AMPH: variants seen among roughly 807,000 people sequenced by gnomAD.
AMPH encodes amphiphysin (Stiff-Mann syndrome with breast cancer 128kD autoantigen).
AMPH carries 49 observed loss-of-function variants against 99.1 expected under a neutral mutation model. That is an observed-to-expected ratio of 0.49 (90% CI 0.39 to 0.63). The LOEUF (loss-of-function observed/expected upper bound fraction) is 0.63, where lower values mean the gene tolerates loss of function less well. Among genes scored for constraint, AMPH ranks in the 20% least tolerant of loss-of-function variants. The probability of loss-of-function intolerance (pLI) is 0.00; values close to 1 mark genes in which losing one functional copy is unlikely to be tolerated. For missense variants in AMPH, 759 were observed against 863.4 expected, an observed-to-expected ratio of 0.88 and a Z score of 1.52; for synonymous variants, 314 against 317.3, an observed-to-expected ratio of 0.99 and a Z score of 0.11.
chr7:38,501,500 C>T (rs1789133853), intron 3 of AMPH, among the ~76,000 whole-genome samples: 1 of 152,138 alleles, frequency 6.6e-6, no homozygotes, highest in Admixed American at 6.5e-5. Context: ...AACTCACTTT[C>T]TTATCTATAA....
intron 1 of AMPH, among the ~76,000 whole-genome samples, chr7:38,608,417 T>C (rs1356966338): frequency 6.6e-6 from 1 of 152,122 alleles, no homozygotes; most frequent in Non-Finnish European, 1.5e-5. Context: ...CCTGGCAAGG[T>C]ATCTCTCCTC....
intron 1 of AMPH, among the ~76,000 whole-genome samples, chr7:38,605,240 G>C (rs1421021540): frequency 2.0e-5 from 3 of 152,138 alleles, no homozygotes; most frequent in African/African-American, 4.8e-5. Flanking sequence ...AGGGGAACAT[G>C]GGCTAAAGTT....
At chr7:38,564,925 C>G (rs925798191) in intron 1 of AMPH, among the ~76,000 whole-genome samples, 1 of 152,042 alleles carries the variant, frequency 6.6e-6, no homozygotes, top group South Asian at 2.1e-4. Flanking sequence ...GAGATCGAGA[C>G]CATCCTGGCT....
intron 1 of AMPH, among the ~76,000 whole-genome samples, chr7:38,613,276 AAACGTCTTGGCC>A (rs1793748943): frequency 6.6e-6 from 1 of 151,812 alleles, no homozygotes; most frequent in South Asian, 2.1e-4. Flanking sequence ...ACCCTTTCTA[AAACGTCTTGGCC>A]AACTCCAAAT....
At chr7:38,619,061 A>C (rs1424675852) in intron 1 of AMPH, among the ~76,000 whole-genome samples, 1 of 152,162 alleles carries the variant, frequency 6.6e-6, no homozygotes, top group African/African-American at 2.4e-5. Flanking sequence ...GCATGATGGC[A>C]AGTGCCTGTA....
intron 11 of AMPH, among the ~76,000 whole-genome samples, chr7:38,437,639 A>AAAAAAAAAAG (rs765494380): frequency 1.0e-5 from 1 of 96,724 alleles, no homozygotes; most frequent in Non-Finnish European, 1.9e-5. Context: ...AAAAAAAAAA[A>AAAAAAAAAAG]AAAAGAAAAG....
intron 1 of AMPH, among the ~76,000 whole-genome samples, chr7:38,620,708 T>C (rs1291706531): frequency 6.6e-6 from 1 of 152,120 alleles, no homozygotes. Flanking sequence ...GCTTTCTTTT[T>C]TTTGGATTTC....
intron 1 of AMPH, among the ~76,000 whole-genome samples, chr7:38,537,162 C>A (rs1790638783): frequency 1.3e-5 from 2 of 151,978 alleles, no homozygotes; most frequent in South Asian, 4.2e-4. Context: ...TAAAAACTCC[C>A]AGCAAAAAAA....
At chr7:38,610,801 A>C (rs541358831) in intron 1 of AMPH, among the ~76,000 whole-genome samples, 1 of 152,340 alleles carries the variant, frequency 6.6e-6, no homozygotes, top group East Asian at 1.9e-4. Flanking sequence ...AGCAAACAAA[A>C]AAAATCATTT....
intron 17 of AMPH, among the ~76,000 whole-genome samples, chr7:38,402,820 G>A (rs1364938740): frequency 6.6e-6 from 1 of 152,080 alleles, no homozygotes; most frequent in Non-Finnish European, 1.5e-5. Context: ...ATTATCTTGG[G>A]TTTAGCTAAC....
chr7:38,586,646 A>G (rs1237789923), intron 1 of AMPH, among the ~76,000 whole-genome samples: 1 of 152,210 alleles, frequency 6.6e-6, no homozygotes, highest in Non-Finnish European at 1.5e-5. Context: ...TACAAGTGAC[A>G]GCAGGTGGCT....
chr7:38,624,014 T>C (rs1794157054), intron 1 of AMPH, among the ~76,000 whole-genome samples: 1 of 152,188 alleles, frequency 6.6e-6, no homozygotes, highest in African/African-American at 2.4e-5. Context: ...GGTAATTACA[T>C]TTGCTGTACT....
intron 12 of AMPH, among the ~76,000 whole-genome samples, chr7:38,434,134 A>G (rs1584086183): frequency 1.3e-5 from 2 of 152,140 alleles, no homozygotes; most frequent in East Asian, 3.9e-4. Flanking sequence ...GGCCACCAGG[A>G]GGCTAGAGGG....
chr7:38,555,216 G>C (rs1282516277), intron 1 of AMPH, among the ~76,000 whole-genome samples: 1 of 150,836 alleles, frequency 6.6e-6, no homozygotes, highest in African/African-American at 2.4e-5. Context: ...ACCAGCCTGG[G>C]TAGCATAGTG....
At chr7:38,496,541 G>A (rs543208312) in intron 3 of AMPH, among the ~76,000 whole-genome samples, 25 of 152,196 alleles carry the variant, frequency 1.6e-4, no homozygotes, top group East Asian at 7.7e-4. Flanking sequence ...AAACAGAGTC[G>A]TGCAGGTGAA....
chr7:38,402,020 A>G (rs1265791844), intron 17 of AMPH, among the ~76,000 whole-genome samples: 1 of 152,118 alleles, frequency 6.6e-6, no homozygotes, highest in African/African-American at 2.4e-5. Context: ...GAACTCCTCC[A>G]GCTTGTCCTC....
chr7:38,444,974 T>C (rs977238384), intron 11 of AMPH, among the ~76,000 whole-genome samples: 4 of 69,316 alleles, frequency 5.8e-5, no homozygotes, highest in South Asian at 1.6e-3. Flanking sequence ...GGTCCAGAAA[T>C]ATATCCATAT....
intron 1 of AMPH, among the ~76,000 whole-genome samples, chr7:38,625,295 T>G (rs1217599157): frequency 6.6e-6 from 1 of 152,196 alleles, no homozygotes; most frequent in Non-Finnish European, 1.5e-5. Flanking sequence ...AGCAATTACA[T>G]TATTTGATAT....
chr7:38,402,052 A>G (rs913998273), intron 17 of AMPH, among the ~76,000 whole-genome samples: 12 of 152,092 alleles, frequency 7.9e-5, no homozygotes, highest in African/African-American at 2.4e-4. Context: ...TCGATTCTCT[A>G]TAGTGTTGCT....
Sources: gnomAD v4.1 joint callset for allele counts (sites outside exome capture counted in the v4.1 genomes callset) on GRCh38, gnomAD v4.1.1 for gene constraint, MANE v1.5 for transcripts, NCBI Gene and HGNC (gene_info 2026-07-23, HGNC 2026-07-21) for gene names.